Variants in NCBP3 observed in about 807,000 individuals in gnomAD.
NCBP3 encodes the protein nuclear cap binding subunit 3.
Under a neutral mutation model 75.7 loss-of-function variants are expected in NCBP3, and 20 were observed. The observed-to-expected ratio is 0.26, with a 90% CI of 0.19 to 0.38. The LOEUF is 0.38. Among genes scored for constraint, NCBP3 ranks in the 10% least tolerant of loss-of-function variants. NCBP3 has a pLI of 1.00. For synonymous variants in NCBP3, 293 were observed against 290.5 expected (o/e 1.01, Z -0.09); for missense variants, 678 against 796.9 (o/e 0.85, Z 1.80).
intron 2 of NCBP3, among the ~76,000 whole-genome samples, chr17:3,841,292 A>G (rs183831424): frequency 6.6e-6 from 1 of 152,246 alleles, no homozygotes; most frequent in Admixed American, 6.5e-5. Context: ...CTAATTGTAT[A>G]TTGACTTTGC....
intron 1 of NCBP3, 85 bp downstream of exon 1, chr17:3,845,956 C>T: frequency 7.0e-7 from 1 of 1,428,692 alleles, no homozygotes; most frequent in Non-Finnish European, 9.4e-7. Flanking sequence ...CCGGCTGGGG[C>T]TCCGGCCACC....
At position 3,832,524 on chromosome 17, in the gene NCBP3, G is replaced by A. The variant is rs1175350700; in HGVS notation, c.356-3156C>T. On this transcript the variant is annotated intron_variant, in intron 3 of 12. Coordinates refer to ENST00000389005, the MANE Select transcript of NCBP3 (RefSeq NM_001114118.3). Reference sequence around the variant, plus strand: ...CAGGCACCTGTAGTCCCAGCTACTCGGGAGGCTGAGGCAGGAGAATCACTT... The same window carrying A: ...CAGGCACCTGTAGTCCCAGCTACTCAGGAGGCTGAGGCAGGAGAATCACTT... 1.2e-4 allele frequency among the ~76,000 whole-genome samples: 15 copies of A among 128,438 alleles called. 4 individuals are homozygous for A. The highest frequency in any genetic ancestry group is 7.7e-3 in the Middle Eastern group (2 of 260). The allele number at this position is 128,438 out of a possible 152,430, so 84.3% of individuals were successfully genotyped here.
chr17:3,842,502 A>G (rs1363336586), intron 2 of NCBP3, among the ~76,000 whole-genome samples: 1 of 152,188 alleles, frequency 6.6e-6, no homozygotes, highest in East Asian at 1.9e-4. Context: ...ACATTTTTTT[A>G]GAAATGGACA....
At position 3,812,766 on chromosome 17, in the gene NCBP3, C is replaced by CA; in HGVS notation, c.*277dup. ...TTAAAAATATTAAGAAAAATGTCTA[C>CA]AAAATCTGGAGGGCTGCCTTTTTCT... On this transcript the variant is annotated 3_prime_UTR_variant, in exon 13 of 13. Coordinates refer to ENST00000389005, the MANE Select transcript of NCBP3 (RefSeq NM_001114118.3). The CA allele has an allele frequency of 8.0e-7, 1 of 1,256,534 alleles. No individual in the cohort carries two copies. The highest frequency in any genetic ancestry group is 1.0e-6 in the Non-Finnish European group (1 of 994,832). The allele number at this position is 1,256,534 out of a possible 1,614,324, so 77.8% of individuals were successfully genotyped here. A position where few individuals can be genotyped will look rare whatever the true frequency, so the allele number is the denominator to read the frequency against.
At position 3,811,020 on chromosome 17, in the gene NCBP3, G is replaced by GTTA. The variant is rs1033248412; in HGVS notation, c.*2023_*2024insTAA. The GTTA allele has an allele frequency of 1.3e-4, 20 of 152,370 alleles. No individual in the cohort carries two copies. Among genetic ancestry groups the GTTA allele is most frequent in the African/African-American group, 3.9e-4 (16 of 41,452 alleles). 9.4% of individuals were successfully genotyped at this position (152,370 alleles called of 1,614,324 possible). On this transcript the variant is annotated 3_prime_UTR_variant, in exon 13 of 13. Transcript: ENST00000389005. ...TAGAAGCAGAGACTGTGCTGGGATG[G>GTTA]GAATAAGCCCCTGTCTACACCTCAT...
intron 2 of NCBP3, among the ~76,000 whole-genome samples, chr17:3,841,395 T>G (rs2054060130): frequency 1.3e-5 from 2 of 152,246 alleles, no homozygotes; most frequent in Non-Finnish European, 2.9e-5. Flanking sequence ...GCTCATTTTC[T>G]TCACTGAAGT....
At position 3,812,862 on chromosome 17, in the gene NCBP3, T is replaced by G; in HGVS notation, c.*182A>C. 2.1e-6 allele frequency: 3 copies of G among 1,426,956 alleles called. No homozygotes were observed. Among genetic ancestry groups the G allele is most frequent in the Non-Finnish European group, 2.7e-6 (3 of 1,094,202 alleles). 88.4% of individuals were successfully genotyped at this position (1,426,956 alleles called of 1,614,324 possible). A position where few individuals can be genotyped will look rare whatever the true frequency, so the allele number is the denominator to read the frequency against. ...AGAACTACAACTCTGCAGCGAAAGA[T>G]AGAGATGCCCTTGAAAATGTGTCAC... On this transcript the variant is annotated 3_prime_UTR_variant, in exon 13 of 13. Coordinates refer to ENST00000389005, the MANE Select transcript of NCBP3 (RefSeq NM_001114118.3).
At chr17:3,827,228 T>C (rs894839907) in intron 4 of NCBP3, among the ~76,000 whole-genome samples, 1 of 151,908 alleles carries the variant, frequency 6.6e-6, no homozygotes, top group Non-Finnish European at 1.5e-5. Context: ...TGAAAAAGAG[T>C]TGTGTATATT....
At chr17:3,816,593 T>C (rs1475908920) in intron 10 of NCBP3, among the ~76,000 whole-genome samples, 1 of 152,230 alleles carries the variant, frequency 6.6e-6, no homozygotes, top group Non-Finnish European at 1.5e-5. Flanking sequence ...GGCTTCCACT[T>C]ACACATGCTG....
intron 3 of NCBP3, among the ~76,000 whole-genome samples, chr17:3,829,573 G>C (rs1436991835): frequency 2.0e-5 from 3 of 152,188 alleles, no homozygotes; most frequent in Non-Finnish European, 4.4e-5. Context: ...CATTAATTCA[G>C]AACAGGCCTA....
chr17:3,826,138 T>TCTTATC lies in NCBP3; in HGVS notation c.553_558dup (p.Asp185_Lys186dup). ...TCCTCACTGGCATCCCTGCTTCTGATCTTATCCTGTGCAGGCAGGGAGCTC... is the reference window on the plus strand; with the variant it reads ...TCCTCACTGGCATCCCTGCTTCTGATCTTATCCTTATCCTGTGCAGGCAGGGAGCTC... On this transcript the variant is annotated inframe_insertion, in exon 5 of 13. Coordinates refer to ENST00000389005, the MANE Select transcript of NCBP3 (RefSeq NM_001114118.3). 6.4e-7 allele frequency: 1 copy of TCTTATC among 1,551,724 alleles called. No individual in the cohort carries two copies. Among genetic ancestry groups the TCTTATC allele is most frequent in the Non-Finnish European group, 8.7e-7 (1 of 1,146,980 alleles).
chr17:3,832,183 CAAAAA>C (rs754603661), intron 3 of NCBP3, among the ~76,000 whole-genome samples: 2 of 29,992 alleles, frequency 6.7e-5, no homozygotes, highest in Non-Finnish European at 9.0e-5. Context: ...GACTCCGTCG[CAAAAA>C]AAAAAAAAAA....
chr17:3,824,996 G>T lies in NCBP3; in HGVS notation c.742C>A (p.Pro248Thr). 4 of 1,545,978 alleles carry T rather than the reference G, an allele frequency of 2.6e-6. No individual in the cohort carries two copies. The highest frequency in any genetic ancestry group is 1.4e-5 in the African/African-American group (1 of 72,932). ...EESLLRNDLR[P>T]ANKLAKGNRL... is the part of the protein sequence containing the mutation. ...TTTCCTTTAGCAAGTTTGTTAGCTGGACGAAGATCGTTTCTTAACAAAGAC... is the reference window on the plus strand; with the variant it reads ...TTTCCTTTAGCAAGTTTGTTAGCTGTACGAAGATCGTTTCTTAACAAAGAC... Residue 248 changes from proline (P) to threonine (T), a missense_variant, in exon 7 of 13, where the codon CCA (proline) becomes ACA (threonine). Coordinates refer to ENST00000389005, the MANE Select transcript of NCBP3 (RefSeq NM_001114118.3).
rs1567571749 is a variant in NCBP3, at chr17:3,802,376, C to T, written c.*10668G>A. The T allele has an allele frequency of 6.6e-6, 1 of 151,966 alleles. No homozygotes were observed. The highest frequency in any genetic ancestry group is 1.5e-5 in the Non-Finnish European group (1 of 68,006). The allele number at this position is 151,966 out of a possible 1,614,324, so 9.4% of individuals were successfully genotyped here. A position where few individuals can be genotyped will look rare whatever the true frequency, so the allele number is the denominator to read the frequency against. ...GCTTGGCTAAGGTTCTGTGAAGATC[C>T]GATGACATTTCCAACACTTTGCCTT... is the stretch of plus-strand genomic sequence containing the variant. On this transcript the variant is annotated 3_prime_UTR_variant, in exon 13 of 13. Coordinates refer to ENST00000389005, the MANE Select transcript of NCBP3 (RefSeq NM_001114118.3).
Position 3,818,659 on chromosome 17 carries a change from A to T in NCBP3, c.1001-87T>A. The T allele has an allele frequency of 6.9e-7, 1 of 1,444,542 alleles. No homozygotes were observed. Among genetic ancestry groups the T allele is most frequent in the Non-Finnish European group, 9.3e-7 (1 of 1,080,316 alleles). The allele number at this position is 1,444,542 out of a possible 1,614,324, so 89.5% of individuals were successfully genotyped here. ...ACTCTACATCGGTGACCTTTTTAAA[A>T]GGTGGGGTTCCCATCCCTGACATTT... On this transcript the variant is annotated intron_variant, in intron 9 of 12. Coordinates refer to ENST00000389005, the MANE Select transcript of NCBP3 (RefSeq NM_001114118.3). This position sits in a 1 kb window ranked among gnomAD's most constrained non-coding sequence, Gnocchi z 4.7.
chr17:3,821,876 G>A, intron 8 of NCBP3, 77 bp downstream of exon 8: 3 of 916,476 alleles, frequency 3.3e-6, no homozygotes, highest in Admixed American at 2.0e-5. Flanking sequence ...ACAGGGTTTA[G>A]ACATTTCACC....
At position 3,807,336 on chromosome 17, in the gene NCBP3, TG is replaced by T. The variant is rs2053347038; in HGVS notation, c.*5707del. 6.6e-6 allele frequency: 1 copy of T among 152,258 alleles called. No homozygotes were observed. Among genetic ancestry groups the T allele is most frequent in the Non-Finnish European group, 1.5e-5 (1 of 68,042 alleles). The allele number at this position is 152,258 out of a possible 1,614,324, so 9.4% of individuals were successfully genotyped here. ...TTCCCTAGCAAATGCTTTAGAGAGC[TG>T]GTAAGCTTCAGCTCCGACATGGCCA... On this transcript the variant is annotated 3_prime_UTR_variant, in exon 13 of 13. Transcript: ENST00000389005.
At position 3,817,441 on chromosome 17, in the gene NCBP3, C is replaced by T. The variant is rs541127754; in HGVS notation, c.1310+822G>A. On this transcript the variant is annotated intron_variant, in intron 10 of 12. Transcript: ENST00000389005. ...GTCAGGAGATTGAGACCATCCTGGCCAACATGCTGAAACCCGTCTCTACTA... is the reference window on the plus strand; with the variant it reads ...GTCAGGAGATTGAGACCATCCTGGCTAACATGCTGAAACCCGTCTCTACTA... Among the ~76,000 whole-genome samples the T allele has an allele frequency of 1.7e-4, 26 of 152,068 alleles. No individual in the cohort carries two copies. The South Asian group carries it at 3.7e-3, about 22-fold the overall frequency.
chr17:3,821,820 A>G, intron 8 of NCBP3, 133 bp downstream of exon 8: 1 of 662,526 alleles, frequency 1.5e-6, no homozygotes, highest in East Asian at 2.5e-5. Context: ...CATTTACCAC[A>G]TCTAAGAATC....
Sources: allele counts gnomAD v4.1 joint callset (sites outside exome capture counted in the v4.1 genomes callset), GRCh38; gene constraint gnomAD v4.1.1; non-coding constraint Gnocchi (gnomAD v3.1); transcripts MANE v1.5; gene names NCBI Gene and HGNC (gene_info 2026-07-23, HGNC 2026-07-21).